Variants in USP10 observed in about 807,000 individuals in gnomAD.
The protein encoded by USP10 is ubiquitin specific peptidase 10.
USP10 carries 22 observed loss-of-function variants against 84.5 expected under a neutral mutation model. The ratio of observed to expected loss-of-function variants is 0.26; its 90% CI spans 0.19 to 0.37. The LOEUF (loss-of-function observed/expected upper bound fraction) is 0.37, where lower values mean the gene tolerates loss of function less well. USP10 is among the 10% of genes least tolerant of loss of function. The probability of loss-of-function intolerance (pLI) is 1.00; values close to 1 mark genes in which losing one functional copy is unlikely to be tolerated. For synonymous variants in USP10, 454 were observed against 387.6 expected, an observed-to-expected ratio of 1.17 and a Z score of -2.01; for missense variants, 1,019 against 998.9, an observed-to-expected ratio of 1.02 and a Z score of -0.27.
chr16:84,752,738 A>T (rs147458191), intron 4 of USP10, among the ~76,000 whole-genome samples: 1,858 of 152,254 alleles, frequency 0.012, 19 homozygotes, highest in Non-Finnish European at 0.015. Context: ...TTTCACTGCG[A>T]GGAAGAAGAG....
intron 1 of USP10, among the ~76,000 whole-genome samples, chr16:84,715,930 G>A (rs1439300297): frequency 1.3e-5 from 2 of 152,192 alleles, no homozygotes; most frequent in African/African-American, 4.8e-5. Flanking sequence ...CACAGCCTCC[G>A]TCACACCAGC....
intron 2 of USP10, among the ~76,000 whole-genome samples, chr16:84,736,401 G>C (rs1418414794): frequency 2.0e-5 from 3 of 152,214 alleles, no homozygotes; most frequent in Non-Finnish European, 4.4e-5. Context: ...TAGTTTGCTT[G>C]CTTGGCAGCT....
At chr16:84,736,890 A>G (rs933880072) in intron 2 of USP10, among the ~76,000 whole-genome samples, 6 of 152,104 alleles carry the variant, frequency 3.9e-5, no homozygotes, top group African/African-American at 1.2e-4. Flanking sequence ...CCGGGTTCAC[A>G]CCATTCTCCT....
intron 11 of USP10, among the ~76,000 whole-genome samples, chr16:84,771,606 C>G (rs1914459584): frequency 6.6e-6 from 1 of 152,186 alleles, no homozygotes; most frequent in African/African-American, 2.4e-5. Flanking sequence ...TGGTGGCTCA[C>G]GCCTGTAATC....
chr16:84,704,975 C>T (rs1228692782), intron 1 of USP10: 2 of 1,425,776 alleles, frequency 1.4e-6, no homozygotes, highest in South Asian at 1.2e-5. Context: ...AGTGCGGGCC[C>T]AGCACCTGCT....
intron 1 of USP10, among the ~76,000 whole-genome samples, chr16:84,709,758 G>T (rs1197076297): frequency 6.6e-6 from 1 of 152,162 alleles, no homozygotes. Flanking sequence ...CATTTGAGCT[G>T]GAGTTTTTCA....
chr16:84,703,552 C>A (rs1327193054), intron 1 of USP10, among the ~76,000 whole-genome samples: 2 of 152,206 alleles, frequency 1.3e-5, no homozygotes, highest in African/African-American at 4.8e-5. Context: ...AGTGTTAATT[C>A]TTAAAAGAGA....
intron 1 of USP10, among the ~76,000 whole-genome samples, chr16:84,702,506 G>C (rs747981796): frequency 1.3e-5 from 2 of 152,150 alleles, no homozygotes; most frequent in Non-Finnish European, 2.9e-5. Flanking sequence ...TGTCCTAAGA[G>C]TCTTGCAGCC....
At chr16:84,757,027 A>G (rs1181274024) in intron 4 of USP10, among the ~76,000 whole-genome samples, 3 of 152,174 alleles carry the variant, frequency 2.0e-5, no homozygotes, top group Non-Finnish European at 4.4e-5. Flanking sequence ...ATGTGACCTC[A>G]GTTTTCTCAT....
At chr16:84,701,934 CTTCT>C (rs1158429100) in intron 1 of USP10, among the ~76,000 whole-genome samples, 1 of 92,696 alleles carries the variant, frequency 1.1e-5, no homozygotes, top group African/African-American at 4.5e-5. Context: ...TAATTTTCTT[CTTCT>C]TTTTTTTTTT....
chr16:84,748,514 G>A (rs989542852), intron 4 of USP10, among the ~76,000 whole-genome samples: 2 of 152,016 alleles, frequency 1.3e-5, no homozygotes, highest in African/African-American at 2.4e-5. Context: ...ATGTTGGCCA[G>A]GCTGGTCTTG....
rs1911025475 is a variant in USP10, at chr16:84,744,885, T to C, written c.404T>C (p.Leu135Ser). The C allele has an allele frequency of 1.2e-6, 2 of 1,613,744 alleles. No individual in the cohort carries two copies. Among genetic ancestry groups the C allele is most frequent in the East Asian group, 2.2e-5 (1 of 44,886 alleles). Reference protein sequence around the residue: ...DGSSNVEAEVLENDGVSGGLG... With the variant: ...DGSSNVEAEVSENDGVSGGLG... ...AGTTCTAATGTGGAGGCGGAAGTTT[T>C]GGAAAATGATGGTGTCTCAGGTGGT... The change falls in exon 4 of 14, where the codon TTG becomes TCG. Residue 135 changes from leucine (L) to serine (S), a missense_variant. By Grantham distance (145) the Leu-to-Ser change is moderately radical. This residue lies in a region of USP10 where 787 missense variants were observed against 708.8 expected (regional missense o/e 1.11). Coordinates refer to ENST00000219473, the MANE Select transcript of USP10 (RefSeq NM_005153.3).
chr16:84,759,203 A>G, intron 5 of USP10, 160 bp from the exon 6 acceptor site: 2 of 673,094 alleles, frequency 3.0e-6, no homozygotes, highest in South Asian at 1.8e-5. Context: ...CACTTACCCT[A>G]GTAACTATTT....
chr16:84,754,615 T>C (rs1912310449), intron 4 of USP10, among the ~76,000 whole-genome samples: 1 of 152,210 alleles, frequency 6.6e-6, no homozygotes. Context: ...CTGAAACTGC[T>C]TTTTAACCTG....
intron 1 of USP10, among the ~76,000 whole-genome samples, chr16:84,732,836 T>C (rs1909418272): frequency 6.6e-6 from 1 of 152,228 alleles, no homozygotes; most frequent in South Asian, 2.1e-4. Flanking sequence ...CCACTTCGTT[T>C]TCCAGAAAAT....
At chr16:84,736,482 T>C (rs917454308) in intron 2 of USP10, among the ~76,000 whole-genome samples, 3 of 152,238 alleles carry the variant, frequency 2.0e-5, no homozygotes, top group African/African-American at 7.2e-5. Flanking sequence ...GAAAGGTAGC[T>C]GGCATCTTTT....
intron 1 of USP10, among the ~76,000 whole-genome samples, chr16:84,730,245 A>G (rs1390471317): frequency 6.6e-6 from 1 of 151,824 alleles, no homozygotes; most frequent in African/African-American, 2.4e-5. Context: ...ACAAACACAA[A>G]TATGTTATTA....
intron 1 of USP10, chr16:84,732,547 A>G (rs1263493996): frequency 1.1e-5 from 4 of 366,086 alleles, no homozygotes; most frequent in African/African-American, 9.1e-5. Flanking sequence ...CCCTGGTTCA[A>G]GCAATTCTCC....
At chr16:84,770,029 A>G (rs1468947814) in intron 11 of USP10, among the ~76,000 whole-genome samples, 2 of 152,092 alleles carry the variant, frequency 1.3e-5, no homozygotes, top group East Asian at 3.9e-4. Flanking sequence ...GGATTGCCTG[A>G]GCCCAACAGT....
Sources: gnomAD v4.1 joint callset for allele counts (sites outside exome capture counted in the v4.1 genomes callset) on GRCh38, gnomAD v4.1.1 for gene constraint, gnomAD v4.1.1 regional missense constraint, MANE v1.5 for transcripts, NCBI Gene and HGNC (gene_info 2026-07-23, HGNC 2026-07-21) for gene names.